The following BABAM2 variants were observed in gnomAD, a reference collection of about 807,000 sequenced individuals.
The protein encoded by BABAM2 is BRISC and BRCA1 A complex member 2.
BABAM2 carries 31 observed loss-of-function variants against 54.7 expected under a neutral mutation model. The ratio of observed to expected loss-of-function variants is 0.57; its 90% confidence interval spans 0.43 to 0.77. BABAM2 has a LOEUF of 0.77. Among genes scored for constraint, BABAM2 ranks in the 30% least tolerant of loss-of-function variants. BABAM2 has a pLI of 0.00. For synonymous variants in BABAM2, 167 were observed against 162.9 expected (o/e 1.03, Z -0.19); for missense variants, 364 against 455.8 (o/e 0.80, Z 1.83).
intron 10 of BABAM2, among the ~76,000 whole-genome samples, chr2:28,279,127 G>T (rs1686127145): frequency 6.6e-6 from 1 of 152,202 alleles, no homozygotes; most frequent in Admixed American, 6.5e-5. Context: ...AGAGAGGTTG[G>T]AATTCCTTGG....
chr2:27,898,652 T>A (rs542025349), intron 2 of BABAM2, among the ~76,000 whole-genome samples: 44 of 152,284 alleles, frequency 2.9e-4, no homozygotes, highest in African/African-American at 1.0e-3. Flanking sequence ...ATGATGAACC[T>A]TGAAAACATT....
chr2:27,955,283 C>T (rs1338214258), intron 3 of BABAM2, among the ~76,000 whole-genome samples: 3 of 152,214 alleles, frequency 2.0e-5, no homozygotes, highest in East Asian at 1.9e-4. Context: ...CCTGTAAGTT[C>T]TTGGCAATTT....
chr2:28,074,992 C>T (rs938826897), intron 6 of BABAM2, among the ~76,000 whole-genome samples: 7 of 152,076 alleles, frequency 4.6e-5, no homozygotes, highest in African/African-American at 1.7e-4. Context: ...AAAAGGAGGG[C>T]AAGTTGATGG....
At position 28,038,590 on chromosome 2, in the gene BABAM2, G is replaced by T. The variant is rs532810283; in HGVS notation, c.496-7135G>T. 3.3e-5 allele frequency among the ~76,000 whole-genome samples: 5 copies of T among 152,162 alleles called. No individual in the cohort carries two copies. In the South Asian group the frequency reaches 1.0e-3, roughly 32 times the overall value. On this transcript the variant is annotated intron_variant, in intron 5 of 11. Coordinates refer to ENST00000379624, the MANE Select transcript of BABAM2 (RefSeq NM_199191.3). Reference sequence around the variant, plus strand: ...GTTGTTCCCATCGTTATGTGTGTGTGTGCTCAGTGTTTAGCTCCCACTTAT... The same window carrying T: ...GTTGTTCCCATCGTTATGTGTGTGTTTGCTCAGTGTTTAGCTCCCACTTAT...
At chr2:27,971,722 C>A (rs954568216) in intron 3 of BABAM2, among the ~76,000 whole-genome samples, 8 of 150,926 alleles carry the variant, frequency 5.3e-5, no homozygotes, top group African/African-American at 1.9e-4. Flanking sequence ...TTTACTATTT[C>A]ATGACAAGGA....
intron 7 of BABAM2, among the ~76,000 whole-genome samples, chr2:28,147,921 A>G (rs1230451234): frequency 6.6e-6 from 1 of 152,080 alleles, no homozygotes; most frequent in Non-Finnish European, 1.5e-5. Context: ...AGTGATTGAG[A>G]CCACTTAATA....
At chr2:28,000,000 T>C (rs981650276) in intron 4 of BABAM2, among the ~76,000 whole-genome samples, 1 of 152,162 alleles carries the variant, frequency 6.6e-6, no homozygotes, top group Non-Finnish European at 1.5e-5. Flanking sequence ...ATTTTTGTTT[T>C]AGATTTATAG....
chr2:28,248,554 C>A (rs1683121897), intron 10 of BABAM2, among the ~76,000 whole-genome samples: 1 of 152,028 alleles, frequency 6.6e-6, no homozygotes, highest in Non-Finnish European at 1.5e-5. Flanking sequence ...AACCAGATAG[C>A]AAGGCGAAGT....
chr2:28,073,736 A>T (rs1410686880), intron 6 of BABAM2, among the ~76,000 whole-genome samples: 2 of 152,102 alleles, frequency 1.3e-5, no homozygotes, highest in African/African-American at 4.8e-5. Flanking sequence ...GGGCGGGAAA[A>T]AAGATTGTAT....
intron 3 of BABAM2, among the ~76,000 whole-genome samples, chr2:27,974,789 A>G (rs1298249891): frequency 6.6e-6 from 1 of 152,188 alleles, no homozygotes. Context: ...TGGATTGGAA[A>G]GGAAGAGATA....
At chr2:28,065,113 A>G (rs1573506663) in intron 6 of BABAM2, among the ~76,000 whole-genome samples, 1 of 152,184 alleles carries the variant, frequency 6.6e-6, no homozygotes, top group Admixed American at 6.5e-5. Flanking sequence ...TAACAAATCA[A>G]GGCGGTTTAA....
chr2:28,312,706 TAA>T (rs1401809191), intron 11 of BABAM2, among the ~76,000 whole-genome samples: 36 of 152,072 alleles, frequency 2.4e-4, no homozygotes, highest in African/African-American at 8.7e-4. Flanking sequence ...CCTGGGAAGT[TAA>T]GTGTGACAGT....
chr2:27,908,203 A>C (rs1159442824), intron 2 of BABAM2, among the ~76,000 whole-genome samples: 1 of 152,186 alleles, frequency 6.6e-6, no homozygotes, highest in Non-Finnish European at 1.5e-5. Flanking sequence ...TTTGGGGTAG[A>C]ATTGAACCTG....
At chr2:28,026,865 T>TATATATATATAAATATATATAA in intron 5 of BABAM2, among the ~76,000 whole-genome samples, 1 of 49,594 alleles carries the variant, frequency 2.0e-5, no homozygotes, top group Non-Finnish European at 3.4e-5. Context: ...TATATATAGA[T>TATATATATATAAATATATATAA]ATATATATTT....
intron 6 of BABAM2, among the ~76,000 whole-genome samples, chr2:28,110,689 G>A (rs1234973204): frequency 5.9e-5 from 9 of 151,804 alleles, no homozygotes; most frequent in Non-Finnish European, 1.3e-4. Flanking sequence ...AGCTCTTTAG[G>A]ATCCTGTTTT....
chr2:28,299,044 G>A (rs1181287076), intron 11 of BABAM2, among the ~76,000 whole-genome samples: 3 of 152,112 alleles, frequency 2.0e-5, no homozygotes, highest in Non-Finnish European at 2.9e-5. Flanking sequence ...ACCTGGAGCC[G>A]GTAGCTACTC....
At chr2:28,046,229 C>T (rs948870577) in intron 6 of BABAM2, among the ~76,000 whole-genome samples, 1 of 152,054 alleles carries the variant, frequency 6.6e-6, no homozygotes. Flanking sequence ...CTGAAGTGGG[C>T]AGATCACCTG....
chr2:27,973,572 A>G (rs1671377059), intron 3 of BABAM2, among the ~76,000 whole-genome samples: 1 of 152,086 alleles, frequency 6.6e-6, no homozygotes, highest in Non-Finnish European at 1.5e-5. Context: ...GAAAGTATAT[A>G]AAAACATGGG....
chr2:28,221,695 C>T (rs922125552), intron 7 of BABAM2, among the ~76,000 whole-genome samples: 4 of 152,118 alleles, frequency 2.6e-5, no homozygotes, highest in Admixed American at 6.6e-5. Context: ...TGAAATTTGT[C>T]GTTTACATTT....
Sources: allele counts gnomAD v4.1 joint callset (sites outside exome capture counted in the v4.1 genomes callset), GRCh38; gene constraint gnomAD v4.1.1; transcripts MANE v1.5; gene names NCBI Gene and HGNC (gene_info 2026-07-23, HGNC 2026-07-21).